The following ADRA1B variants were observed in gnomAD, a reference collection of about 807,000 sequenced individuals.
ADRA1B encodes the protein alpha-1B adrenergic receptor.
A neutral mutation model predicts 17.9 loss-of-function variants in ADRA1B; 17 were observed. That is an observed-to-expected ratio of 0.95 (90% CI 0.65 to 1.42). The LOEUF (loss-of-function observed/expected upper bound fraction) is 1.42, where lower values mean the gene tolerates loss of function less well. Among genes scored for constraint, ADRA1B ranks in the 40% most tolerant of loss-of-function variants. The pLI, the probability that ADRA1B is intolerant of heterozygous loss-of-function variation, is 0.00. For synonymous variants in ADRA1B, 366 were observed against 327.6 expected, an observed-to-expected ratio of 1.12 and a Z score of -1.27; for missense variants, 681 against 722.1, an observed-to-expected ratio of 0.94 and a Z score of 0.65.
downstream of ADRA1B, among the ~76,000 whole-genome samples, chr5:159,973,525 A>C (rs557612842): frequency 3.3e-4 from 50 of 152,240 alleles, no homozygotes; most frequent in Admixed American, 9.8e-4. Flanking sequence ...CACTCCACTG[A>C]TTGTTTGCCT....
chr5:159,941,985 C>T (rs148924687), intron 1 of ADRA1B, among the ~76,000 whole-genome samples: 7,840 of 146,802 alleles, frequency 0.053, 245 homozygotes, highest in East Asian at 0.14. Flanking sequence ...TGCAGTGGCG[C>T]GATCTTGGCT....
At position 159,971,897 on chromosome 5, in the gene ADRA1B, T is replaced by C; in HGVS notation, c.968T>C (p.Leu323Pro). The C allele has an allele frequency of 9.5e-7, 1 of 1,050,970 alleles. No homozygotes were observed. The highest frequency in any genetic ancestry group is 3.7e-5 in the Admixed American group (1 of 27,300). 65.1% of individuals were successfully genotyped at this position (1,050,970 alleles called of 1,614,324 possible). The change falls in exon 2 of 2, where the codon CTG (leucine) becomes CCG (proline). Residue 323 changes from leucine (L) to proline (P), a missense_variant. Leu to Pro is a moderately conservative substitution (Grantham distance 98). This residue lies in a region of ADRA1B where 424 missense variants were observed against 480.2 expected (regional missense o/e 0.88). Coordinates refer to ENST00000306675, the MANE Select transcript of ADRA1B (RefSeq NM_000679.4). ...ACTGCAGGCTCCTTGTTCTCCACCCTGAAGCCCCCCGACGCCGTGTTCAAG... is the reference window on the plus strand; with the variant it reads ...ACTGCAGGCTCCTTGTTCTCCACCCCGAAGCCCCCCGACGCCGTGTTCAAG... ...ALPLGSLFST[L>P]KPPDAVFKVV...
At position 159,963,940 on chromosome 5, in the gene ADRA1B, G is replaced by A. The variant is rs1035163334; in HGVS notation, c.950-7939G>A. 3.3e-5 allele frequency among the ~76,000 whole-genome samples: 5 copies of A among 152,170 alleles called. No homozygotes were observed. In the East Asian group the frequency reaches 7.7e-4, roughly 24 times the overall value. On this transcript the variant is annotated intron_variant, in intron 1 of 1. Transcript: ENST00000306675. ...GACTAAGTGATGTGGGTGGGCTCAC[G>A]GCAACATCTGTTCCTCGATTTATCC... is the stretch of plus-strand genomic sequence containing the variant.
At chr5:159,973,656 C>G (rs1399689277), downstream of ADRA1B, among the ~76,000 whole-genome samples, 1 of 152,070 alleles carries the variant, frequency 6.6e-6, no homozygotes, top group Non-Finnish European at 1.5e-5. Context: ...GACTTGTGAC[C>G]CTGCCTGGAA....
At chr5:159,919,333 C>G (rs1481534136) in intron 1 of ADRA1B, among the ~76,000 whole-genome samples, 1 of 152,154 alleles carries the variant, frequency 6.6e-6, no homozygotes, top group African/African-American at 2.4e-5. Context: ...GTTCGGTTTA[C>G]AGTGGATGAC....
intron 1 of ADRA1B, among the ~76,000 whole-genome samples, chr5:159,951,929 C>G (rs895836392): frequency 5.9e-5 from 9 of 152,300 alleles, no homozygotes; most frequent in African/African-American, 2.2e-4. Context: ...TTAGGCATCT[C>G]TTCTCCCTCC....
At chr5:159,881,528 G>T (rs182892267) in intron 1 of ADRA1B, among the ~76,000 whole-genome samples, 59 of 152,248 alleles carry the variant, frequency 3.9e-4, no homozygotes, top group African/African-American at 1.4e-3. Context: ...AATGACAGAG[G>T]CTCTGTGTCC....
At chr5:159,977,593 T>G (rs1052254211), downstream of ADRA1B, among the ~76,000 whole-genome samples, 1 of 152,250 alleles carries the variant, frequency 6.6e-6, no homozygotes, top group African/African-American at 2.4e-5. Context: ...ACCTGCCTTT[T>G]GAAAGTTAAG....
intron 1 of ADRA1B, among the ~76,000 whole-genome samples, chr5:159,931,703 G>A (rs534868300): frequency 1.3e-5 from 2 of 152,098 alleles, no homozygotes; most frequent in Non-Finnish European, 2.9e-5. Flanking sequence ...CTGGAGGCTC[G>A]GAAGTCCAAG....
chr5:159,948,019 G>A, intron 1 of ADRA1B: 5 of 985,450 alleles, frequency 5.1e-6, no homozygotes, highest in Non-Finnish European at 6.0e-6. Flanking sequence ...TGTCTAATTA[G>A]TAAGCATGGC....
chr5:159,955,179 C>T (rs983942610), intron 1 of ADRA1B: 1 of 985,336 alleles, frequency 1.0e-6, no homozygotes, highest in African/African-American at 1.7e-5. Flanking sequence ...AGATGGTGTA[C>T]CAGCGTCATT....
At chr5:159,899,185 A>G (rs1754068597) in intron 1 of ADRA1B, among the ~76,000 whole-genome samples, 1 of 145,170 alleles carries the variant, frequency 6.9e-6, no homozygotes, top group Non-Finnish European at 1.5e-5. Context: ...AGAAAAAAAG[A>G]AAAGAAAAGA....
chr5:159,904,563 A>G lies in ADRA1B; in HGVS notation c.-255-11556A>G, dbSNP rs78653289. Reference sequence around the variant, plus strand: ...CAATGGAGACCAGGTGGCCTACTCCAGCCCAGAAAAATCTCTCCCTCCCTT... The same window carrying G: ...CAATGGAGACCAGGTGGCCTACTCCGGCCCAGAAAAATCTCTCCCTCCCTT... On this transcript the variant is annotated intron_variant, in intron 1 of 2. Coordinates refer to the ADRA1B transcript ENST00000641205. 9.0e-4 allele frequency among the ~76,000 whole-genome samples: 137 copies of G among 152,328 alleles called. No individual in the cohort carries two copies. In the East Asian group the frequency reaches 0.016, roughly 18 times the overall value.
chr5:159,943,823 G>A (rs1402306349), intron 1 of ADRA1B, among the ~76,000 whole-genome samples: 2 of 151,896 alleles, frequency 1.3e-5, no homozygotes, highest in African/African-American at 2.4e-5. Flanking sequence ...AAAATTTTGT[G>A]ATGATTTCCT....
At chr5:159,918,902 A>G (rs1754402832) in intron 1 of ADRA1B, among the ~76,000 whole-genome samples, 1 of 152,154 alleles carries the variant, frequency 6.6e-6, no homozygotes, top group African/African-American at 2.4e-5. Flanking sequence ...GAGGGAGTTT[A>G]TCATGACACA....
At chr5:159,915,522 C>T (rs1581029100), upstream of ADRA1B, among the ~76,000 whole-genome samples, 1 of 152,302 alleles carries the variant, frequency 6.6e-6, no homozygotes, top group East Asian at 1.9e-4. Context: ...GTCCCTGTGA[C>T]TGAATGTCCA....
At chr5:159,965,018 G>A (rs1379103277) in intron 1 of ADRA1B, among the ~76,000 whole-genome samples, 3 of 152,172 alleles carry the variant, frequency 2.0e-5, no homozygotes, top group Non-Finnish European at 4.4e-5. Context: ...CTTCTCCAAG[G>A]TCGCCCAGCT....
In ADRA1B at chr5:159,917,337, C is replaced by T. The variant is rs1754344700; in HGVS notation, c.432C>T (p.Tyr144=). 3.7e-6 allele frequency: 6 copies of T among 1,614,100 alleles called. No homozygotes were observed. The East Asian group carries it at 6.7e-5, about 18-fold the overall frequency. The part of the protein sequence containing the change: ...LSLCAISIDR[Y]IGVRYSLQYP... ...TGTGCGCCATCTCCATCGATCGCTACATCGGGGTGCGCTACTCTCTGCAGT... is the reference window on the plus strand; with the variant it reads ...TGTGCGCCATCTCCATCGATCGCTATATCGGGGTGCGCTACTCTCTGCAGT... The change falls in exon 1 of 2, where the codon TAC becomes TAT. Residue 144 remains tyrosine (Y), a synonymous_variant. Transcript: ENST00000306675.
At chr5:159,973,442 C>G (rs1166595389), downstream of ADRA1B, among the ~76,000 whole-genome samples, 1 of 152,176 alleles carries the variant, frequency 6.6e-6, no homozygotes, top group Non-Finnish European at 1.5e-5. Context: ...GGGCCTGTTT[C>G]CTGAGAGATG....
Sources: allele counts gnomAD v4.1 joint callset (sites outside exome capture counted in the v4.1 genomes callset), GRCh38; gene constraint gnomAD v4.1.1; regional missense constraint gnomAD v4.1.1; transcripts MANE v1.5; gene names NCBI Gene and HGNC (gene_info 2026-07-23, HGNC 2026-07-21).